Variants in NNT observed in about 807,000 individuals in gnomAD.
The protein encoded by NNT is NAD(P) transhydrogenase, mitochondrial.
In NNT, 50 loss-of-function variants were observed where a neutral mutation model predicts 104.8. The observed-to-expected ratio is 0.48, with a 90% CI of 0.38 to 0.60. The LOEUF (loss-of-function observed/expected upper bound fraction) is 0.60, where lower values mean the gene tolerates loss of function less well. Ranked by LOEUF, NNT falls within the 20% of genes least tolerant of loss-of-function variation. The probability of loss-of-function intolerance (pLI) is 0.00; values close to 1 mark genes in which losing one functional copy is unlikely to be tolerated. For missense variants in NNT, 1,131 were observed against 1,330.7 expected (o/e 0.85, Z 2.33); for synonymous variants, 461 against 490.4 (o/e 0.94, Z 0.79).
intron 20 of NNT, among the ~76,000 whole-genome samples, chr5:43,702,378 A>G (rs906751226): frequency 6.6e-6 from 1 of 152,216 alleles, no homozygotes; most frequent in Non-Finnish European, 1.5e-5. Flanking sequence ...GAGAAGCATA[A>G]TAATGCAGGC....
At position 43,624,133 on chromosome 5, in the gene NNT, C is replaced by T; in HGVS notation, c.776+13C>T. On this transcript the variant is annotated intron_variant, in intron 6 of 21. Transcript: ENST00000344920. ...GATTTGACACAAGGTGAGTGCTTTA[C>T]TAGTGACTGATGTTAAGGTAAAAAC... 4.3e-6 allele frequency: 7 copies of T among 1,612,116 alleles called. No homozygotes were observed. Among genetic ancestry groups the T allele is most frequent in the Middle Eastern group, 1.7e-4 (1 of 6,056 alleles).
At chr5:43,635,778 C>A (rs1580008592) in intron 7 of NNT, among the ~76,000 whole-genome samples, 1 of 152,090 alleles carries the variant, frequency 6.6e-6, no homozygotes, top group East Asian at 1.9e-4. Flanking sequence ...TTTAAGGACA[C>A]CAGTCAGATT....
chr5:43,670,792 A>G (rs1419850525), intron 17 of NNT, among the ~76,000 whole-genome samples: 2 of 152,218 alleles, frequency 1.3e-5, no homozygotes, highest in Admixed American at 6.5e-5. Context: ...GTAGATGTCT[A>G]TTAGGTCCTG....
intron 3 of NNT, among the ~76,000 whole-genome samples, chr5:43,614,019 G>T (rs1749646898): frequency 6.6e-6 from 1 of 152,120 alleles, no homozygotes; most frequent in Non-Finnish European, 1.5e-5. Context: ...TGGCATGGGG[G>T]TTAACTGTAA....
At chr5:43,648,105 C>T in intron 10 of NNT, 1 of 1,210,724 alleles carries the variant, frequency 8.3e-7, no homozygotes, top group Non-Finnish European at 1.1e-6. Flanking sequence ...AACTGGAAGA[C>T]AAAATAGTGT....
chr5:43,648,415 T>A (rs1046105406), intron 10 of NNT: 2 of 168,770 alleles, frequency 1.2e-5, no homozygotes, highest in African/African-American at 4.8e-5. Flanking sequence ...ACATGTTTGC[T>A]ATCAAGGAAG....
chr5:43,653,414 A>G, intron 14 of NNT: 2 of 542,666 alleles, frequency 3.7e-6, no homozygotes. Context: ...AACTGAGTCA[A>G]AATATCCTAT....
intron 19 of NNT, among the ~76,000 whole-genome samples, chr5:43,697,089 C>T (rs1245216919): frequency 2.6e-5 from 4 of 152,200 alleles, no homozygotes; most frequent in Non-Finnish European, 5.9e-5. Context: ...TTTTCTATCA[C>T]ATTGTCAGGC....
Position 43,652,851 on chromosome 5 carries a change from A to G in NNT, c.1864-167A>G, listed in dbSNP as rs536865746. Among the ~76,000 whole-genome samples, 53 of 152,346 alleles carry G rather than the reference A, an allele frequency of 3.5e-4. 1 individual carries two copies. The highest frequency in any genetic ancestry group is 1.2e-3 in the African/African-American group (51 of 41,580). ...TAGGTACTTTTATGTGTATTTGTGC[A>G]TGATAGCAAATCCAGAAAAAATCAA... is the stretch of plus-strand genomic sequence containing the variant. On this transcript the variant is annotated intron_variant, in intron 13 of 21. Coordinates refer to ENST00000344920, the MANE Select transcript of NNT (RefSeq NM_182977.3).
intron 17 of NNT, among the ~76,000 whole-genome samples, chr5:43,659,741 A>AT (rs1226205658): frequency 1.3e-4 from 20 of 152,286 alleles, no homozygotes; most frequent in Admixed American, 4.6e-4. Context: ...GAAAAAAAAA[A>AT]GAGTATGGTA....
rs1321971221 is a variant in NNT, at chr5:43,649,135, CTCTT to C, written c.1445-8_1445-5del. ...TGTCAGCTCAAACACACTCTTTACT[CTCTT>C]TCTCTAGGTCTCACAGGGATACTGG... On this transcript the variant is annotated splice_region_variant and splice_polypyrimidine_tract_variant and intron_variant, in intron 10 of 21. Transcript: ENST00000344920. 2 of 1,613,660 alleles carry C rather than the reference CTCTT, an allele frequency of 1.2e-6. No homozygotes were observed. Among genetic ancestry groups the C allele is most frequent in the African/African-American group, 2.7e-5 (2 of 74,924 alleles).
intron 5 of NNT, among the ~76,000 whole-genome samples, chr5:43,622,883 T>G (rs1215866467): frequency 6.6e-6 from 1 of 151,900 alleles, no homozygotes; most frequent in Non-Finnish European, 1.5e-5. Flanking sequence ...TTTTTTTTGT[T>G]ATGTCTTGAT....
chr5:43,624,534 C>A (rs1354816671), intron 6 of NNT, among the ~76,000 whole-genome samples: 1 of 152,168 alleles, frequency 6.6e-6, no homozygotes, highest in Non-Finnish European at 1.5e-5. Flanking sequence ...TGGCACTTCA[C>A]CTGACTAGCA....
At chr5:43,604,740 C>A (rs951091577) in intron 1 of NNT, among the ~76,000 whole-genome samples, 1 of 152,176 alleles carries the variant, frequency 6.6e-6, no homozygotes, top group Non-Finnish European at 1.5e-5. Context: ...GGCACAATCA[C>A]GGCTTACTGC....
chr5:43,672,468 G>T (rs1580088450), intron 17 of NNT, among the ~76,000 whole-genome samples: 1 of 152,302 alleles, frequency 6.6e-6, no homozygotes, highest in South Asian at 2.1e-4. Context: ...GTTTTGGTGT[G>T]GATGTCCTTT....
chr5:43,627,527 A>G (rs1162556544), intron 6 of NNT, among the ~76,000 whole-genome samples: 3 of 152,082 alleles, frequency 2.0e-5, no homozygotes, highest in African/African-American at 7.2e-5. Flanking sequence ...GATATTGATG[A>G]GTTACATGCA....
At chr5:43,696,901 A>G (rs999110365) in intron 19 of NNT, among the ~76,000 whole-genome samples, 2 of 152,204 alleles carry the variant, frequency 1.3e-5, no homozygotes, top group Admixed American at 6.5e-5. Context: ...GGCCTGGCCC[A>G]TGAAACCATT....
intron 19 of NNT, among the ~76,000 whole-genome samples, chr5:43,696,227 G>A (rs746291394): frequency 2.0e-5 from 3 of 152,106 alleles, no homozygotes; most frequent in Non-Finnish European, 2.9e-5. Flanking sequence ...ATTTCAAATG[G>A]GAGAAATTGG....
In NNT at chr5:43,649,288, C is replaced by T. The variant is rs753037651; in HGVS notation, c.1586C>T (p.Ser529Phe). 1.1e-5 allele frequency: 17 copies of T among 1,613,990 alleles called. No individual in the cohort carries two copies. The highest frequency in any genetic ancestry group is 1.4e-5 in the Non-Finnish European group (16 of 1,179,982). The part of the protein sequence containing the change: ...VTPALHSPLM[S>F]VTNAISGLTA... ...CCTGCTCTCCACTCACCACTGATGT[C>T]TGTGACAAATGCAATCTCAGGTTTG... The change falls in exon 11 of 22, where the codon TCT becomes TTT. Residue 529 changes from serine (S) to phenylalanine (F), a missense_variant. Ser to Phe is a radical substitution (Grantham distance 155, BLOSUM62 -2). Coordinates refer to ENST00000344920, the MANE Select transcript of NNT (RefSeq NM_182977.3).
Sources: allele counts gnomAD v4.1 joint callset (sites outside exome capture counted in the v4.1 genomes callset), GRCh38; gene constraint gnomAD v4.1.1; transcripts MANE v1.5; gene names NCBI Gene and HGNC (gene_info 2026-07-23, HGNC 2026-07-21).